The following MOV10L1 variants were observed in gnomAD, a reference collection of about 807,000 sequenced individuals.
MOV10L1 encodes Mov10 like RNA helicase 1.
Under a neutral mutation model 143.8 loss-of-function variants are expected in MOV10L1, and 110 were observed. The ratio of observed to expected loss-of-function variants is 0.76; its 90% CI spans 0.66 to 0.90. The LOEUF is 0.90. Ranked by LOEUF, MOV10L1 falls within the 40% of genes least tolerant of loss-of-function variation. The probability of loss-of-function intolerance (pLI) is 0.00; values close to 1 mark genes in which losing one functional copy is unlikely to be tolerated. For missense variants in MOV10L1, 1,406 were observed against 1,526.8 expected, an observed-to-expected ratio of 0.92 and a Z score of 1.32; for synonymous variants, 593 against 581.1, an observed-to-expected ratio of 1.02 and a Z score of -0.29.
intron 12 of MOV10L1, 102 bp downstream of exon 12, chr22:50,126,374 G>T: frequency 1.4e-6 from 1 of 737,376 alleles, no homozygotes; most frequent in Non-Finnish European, 2.2e-6. Flanking sequence ...GCTCCCATAT[G>T]CATTGGCTAT....
At chr22:50,114,036 A>C (rs1369093621) in intron 6 of MOV10L1, among the ~76,000 whole-genome samples, 2 of 147,856 alleles carry the variant, frequency 1.4e-5, no homozygotes, top group African/African-American at 2.5e-5. Context: ...CTCCTGCCTC[A>C]GCCTCCCGAG....
intron 13 of MOV10L1, among the ~76,000 whole-genome samples, chr22:50,132,874 A>G (rs894696813): frequency 6.6e-6 from 1 of 152,132 alleles, no homozygotes; most frequent in Non-Finnish European, 1.5e-5. Context: ...ATCTCTACTA[A>G]AAATACAAAT....
At position 50,159,251 on chromosome 22, in the gene MOV10L1, A is replaced by T. The variant is rs1347275256; in HGVS notation, c.3217-427A>T. ...GATTAGAAGAAAGCAATAAAGAATTAAAAAACAATATTGCACCTTGGCCAA... is the reference window on the plus strand; with the variant it reads ...GATTAGAAGAAAGCAATAAAGAATTTAAAAACAATATTGCACCTTGGCCAA... On this transcript the variant is annotated intron_variant, in intron 23 of 26. Coordinates refer to ENST00000262794, the MANE Select transcript of MOV10L1 (RefSeq NM_018995.3). This position sits in a 1 kb window ranked among gnomAD's most constrained non-coding sequence, Gnocchi z 4.1. The T allele has an allele frequency of 6.6e-6, 1 of 152,476 alleles. No individual in the cohort carries two copies. Among genetic ancestry groups the T allele is most frequent in the Non-Finnish European group, 1.5e-5 (1 of 68,232 alleles). 9.4% of individuals were successfully genotyped at this position (152,476 alleles called of 1,614,324 possible).
chr22:50,092,045 T>G lies in MOV10L1; in HGVS notation c.142T>G (p.Cys48Gly). The G allele has an allele frequency of 1.9e-6, 3 of 1,614,202 alleles. No homozygotes were observed. Among genetic ancestry groups the G allele is most frequent in the Non-Finnish European group, 2.5e-6 (3 of 1,180,024 alleles). ...TGTACGGGGTGTCGTGACAAGGTACTGCAGCGATTATGGCATGATTGATGA... is the reference window on the plus strand; with the variant it reads ...TGTACGGGGTGTCGTGACAAGGTACGGCAGCGATTATGGCATGATTGATGA... ...KTVRGVVTRY[C>G]SDYGMIDDMI... Residue 48 changes from cysteine to glycine, a missense_variant, in exon 2 of 27, where the codon TGC (cysteine) becomes GGC (glycine). Cys to Gly is a radical substitution (Grantham distance 159). Transcript: ENST00000262794.
chr22:50,100,578 A>C (rs2061719474), intron 3 of MOV10L1, among the ~76,000 whole-genome samples: 1 of 151,838 alleles, frequency 6.6e-6, no homozygotes, highest in African/African-American at 2.4e-5. Context: ...CAGTGGCACG[A>C]TCTCAGCTTA....
Position 50,090,384 on chromosome 22 carries a change from C to A in MOV10L1, c.97+199C>A, listed in dbSNP as rs2062397426. On this transcript the variant is annotated intron_variant, in intron 1 of 26. Coordinates refer to ENST00000262794, the MANE Select transcript of MOV10L1 (RefSeq NM_018995.3). ...CACAGCATCCCGCCGCTCTGGGCGC[C>A]CGTCCTCTGTGAGGTCTCTCCGGTG... The A allele has an allele frequency of 3.2e-6, 5 of 1,549,508 alleles. No individual in the cohort carries two copies. The South Asian group carries it at 5.9e-5, about 18-fold the overall frequency.
chr22:50,120,759 C>T, intron 10 of MOV10L1, 143 bp downstream of exon 10: 1 of 648,478 alleles, frequency 1.5e-6, no homozygotes. Flanking sequence ...AGGGTCACTG[C>T]CTGGCCGTGA....
intron 1 of MOV10L1, 138 bp downstream of exon 1, chr22:50,090,323 C>T (rs2146972098): frequency 4.1e-6 from 6 of 1,473,062 alleles, no homozygotes; most frequent in Non-Finnish European, 5.4e-6. Context: ...TCTCCGCTGG[C>T]GGGGATCCCC....
intron 2 of MOV10L1, chr22:50,093,333 G>A (rs2062502800): frequency 6.6e-6 from 1 of 152,096 alleles, no homozygotes; most frequent in Non-Finnish European, 1.5e-5. Flanking sequence ...GAAAGTGTTA[G>A]GAATATTTTC....
At chr22:50,102,433 G>A (rs946753117) in intron 3 of MOV10L1, among the ~76,000 whole-genome samples, 6 of 152,264 alleles carry the variant, frequency 3.9e-5, no homozygotes, top group Admixed American at 3.3e-4. Flanking sequence ...CTGACCTAAA[G>A]GTGGCAAAAG....
intron 1 of MOV10L1, chr22:50,090,417 C>T (rs1208241131): frequency 1.9e-6 from 3 of 1,583,260 alleles, no homozygotes; most frequent in African/African-American, 2.7e-5. Flanking sequence ...GTGACACCAG[C>T]CCCTCTTCCC....
intron 10 of MOV10L1, among the ~76,000 whole-genome samples, chr22:50,122,772 T>TA (rs1211795712): frequency 4.2e-4 from 60 of 142,610 alleles, no homozygotes; most frequent in African/African-American, 1.5e-3. Context: ...CTTTTTCTCT[T>TA]TTTTATTTAT....
At chr22:50,133,828 G>C (rs2062745817) in intron 13 of MOV10L1, among the ~76,000 whole-genome samples, 179 bp from the exon 14 acceptor site, 1 of 152,102 alleles carries the variant, frequency 6.6e-6, no homozygotes, top group Non-Finnish European at 1.5e-5. Context: ...ACACACGTGA[G>C]CCACCGCGCC....
At chr22:50,146,932 G>A in intron 19 of MOV10L1, 1 of 802,972 alleles carries the variant, frequency 1.2e-6, no homozygotes, top group Non-Finnish European at 2.0e-6. Context: ...CTTAGAGCAT[G>A]TCAGGTTTCA....
chr22:50,113,912 C>CT (rs67071955), intron 6 of MOV10L1, 124 bp downstream of exon 6: 9,249 of 262,568 alleles, frequency 0.035, 34 homozygotes, highest in South Asian at 0.045. Context: ...AAGATCTTTT[C>CT]TTTTTTTTTT....
At chr22:50,121,396 C>T (rs1028954246) in intron 10 of MOV10L1, among the ~76,000 whole-genome samples, 4 of 152,210 alleles carry the variant, frequency 2.6e-5, no homozygotes, top group Non-Finnish European at 5.9e-5. Context: ...TTCTGGCAGA[C>T]GCCCCAGTGG....
intron 19 of MOV10L1, chr22:50,149,315 G>A: frequency 2.7e-6 from 1 of 372,032 alleles, no homozygotes. Context: ...CTTCTCCTGT[G>A]AGCTGCCCCC....
At chr22:50,104,357 G>A (rs1345283209) in intron 3 of MOV10L1, among the ~76,000 whole-genome samples, 8 of 152,188 alleles carry the variant, frequency 5.3e-5, no homozygotes. Flanking sequence ...TGTTCTTGGT[G>A]CTTGTGGAAA....
chr22:50,143,070 G>C lies in MOV10L1; in HGVS notation c.2207G>C (p.Arg736Thr). The C allele has an allele frequency of 2.5e-6, 4 of 1,614,174 alleles. No homozygotes were observed. The South Asian group carries it at 4.4e-5, about 18-fold the overall frequency. ...GATGAAATTCAGACCCCTAAAGCAA[G>C]AAAGATGGAGTTTTTCAACCCAGTG... The part of the protein sequence containing the change: ...WVDEIQTPKA[R>T]KMEFFNPVLN... The change falls in exon 17 of 27, where the codon AGA becomes ACA. Residue 736 changes from arginine (R) to threonine (T), a missense_variant. Physicochemically the swap from Arg to Thr is moderately conservative, Grantham distance 71. Coordinates refer to ENST00000262794, the MANE Select transcript of MOV10L1 (RefSeq NM_018995.3).
Sources: gnomAD v4.1 joint callset for allele counts (sites outside exome capture counted in the v4.1 genomes callset) on GRCh38, gnomAD v4.1.1 for gene constraint, Gnocchi (gnomAD v3.1) non-coding constraint, MANE v1.5 for transcripts, NCBI Gene and HGNC (gene_info 2026-07-23, HGNC 2026-07-21) for gene names.